The following BOC variants were observed in gnomAD, a reference collection of about 807,000 sequenced individuals.
BOC encodes BOC cell adhesion associated, oncogene regulated, also known as brother of CDO.
Under a neutral mutation model 112.0 loss-of-function variants are expected in BOC, and 76 were observed. The observed-to-expected ratio is 0.68, with a 90% confidence interval of 0.56 to 0.82. BOC has a LOEUF of 0.82. Ranked by LOEUF, BOC falls within the 40% of genes least tolerant of loss-of-function variation. BOC has a pLI of 0.00. For synonymous variants in BOC, 580 were observed against 599.8 expected, an observed-to-expected ratio of 0.97 and a Z score of 0.48; for missense variants, 1,309 against 1,511.7, an observed-to-expected ratio of 0.87 and a Z score of 2.22.
In BOC at chr3:113,274,341, T is replaced by G; in HGVS notation, c.1235-34T>G. On this transcript the variant is annotated intron_variant, in intron 8 of 19. Transcript: ENST00000682979. This position sits in a 1 kb window ranked among gnomAD's most constrained non-coding sequence, Gnocchi z 4.8. ...CAGCTCAGCAGGTAAACCAGGAGAC[T>G]AACCTTTCCTTCTGCTTCCTGTTGG... 6.7e-7 allele frequency: 1 copy of G among 1,485,820 alleles called. No individual in the cohort carries two copies. Among genetic ancestry groups the G allele is most frequent in the South Asian group, 1.4e-5 (1 of 72,388 alleles). The allele number at this position is 1,485,820 out of a possible 1,614,324, so 92.0% of individuals were successfully genotyped here. A position where few individuals can be genotyped will look rare whatever the true frequency, so the allele number is the denominator to read the frequency against.
Position 113,274,533 on chromosome 3 carries a change from G to C in BOC, c.1393G>C (p.Glu465Gln), listed in dbSNP as rs1948464669. ...GCCTGCTTCCCCGCAGTGTCCAGGA[G>C]AGAAGGGGCAGGGGGCTCCCGCCGA... Reference protein sequence around the residue: ...VGPASPQCPGEKGQGAPAEAP... With the variant: ...VGPASPQCPGQKGQGAPAEAP... Residue 465 changes from glutamate (E) to glutamine (Q), a missense_variant, in exon 9 of 20, where the codon GAG (glutamate) becomes CAG (glutamine). Glu to Gln is a conservative substitution (Grantham distance 29, BLOSUM62 2). Coordinates refer to ENST00000682979, the MANE Select transcript of BOC (RefSeq NM_001378074.1). This position sits in a 1 kb window ranked among gnomAD's most constrained non-coding sequence, Gnocchi z 4.8. 5.6e-6 allele frequency: 9 copies of C among 1,613,474 alleles called. No homozygotes were observed. Among genetic ancestry groups the C allele is most frequent in the Non-Finnish European group, 6.8e-6 (8 of 1,179,922 alleles).
intron 2 of BOC, among the ~76,000 whole-genome samples, chr3:113,238,485 C>T (rs1215769503): frequency 4.6e-5 from 7 of 152,196 alleles, no homozygotes; most frequent in African/African-American, 1.7e-4. Flanking sequence ...CAGATGCTCA[C>T]TTGCTTTTTA....
chr3:113,217,152 G>A lies in BOC; in HGVS notation c.-82+878G>A, dbSNP rs375717034. Among the ~76,000 whole-genome samples the A allele has an allele frequency of 2.4e-4, 37 of 152,260 alleles. No individual in the cohort carries two copies. The South Asian group carries it at 7.3e-3, about 30-fold the overall frequency. On this transcript the variant is annotated intron_variant, in intron 2 of 19. Transcript: ENST00000682979. Reference sequence around the variant, plus strand: ...ATGCGCCATCCAGAATCCTATTACTGGCCTGAAGGGAAACGCAGAGCACTG... The same window carrying A: ...ATGCGCCATCCAGAATCCTATTACTAGCCTGAAGGGAAACGCAGAGCACTG...
intron 3 of BOC, 38 bp from the exon 4 acceptor site, chr3:113,250,517 G>A: frequency 1.9e-6 from 3 of 1,557,684 alleles, no homozygotes; most frequent in Non-Finnish European, 2.6e-6. Context: ...TTTTCTTGGG[G>A]GCATCAGTTC....
In BOC at chr3:113,272,513, C is replaced by G. The variant is rs1287956246; in HGVS notation, c.771C>G (p.Ile257Met). 1 of 1,613,966 alleles carries G rather than the reference C, an allele frequency of 6.2e-7. No homozygotes were observed. ...SLILECVASG[I>M]PPPRVTWAKD... ...TTCTGGAGTGTGTGGCCAGTGGAAT[C>G]CCACCCCCACGGGTCACCTGGGCCA... is the stretch of plus-strand genomic sequence containing the variant. Residue 257 changes from isoleucine (I) to methionine (M), a missense_variant, in exon 7 of 20, where the codon ATC (isoleucine) becomes ATG (methionine). Coordinates refer to ENST00000682979, the MANE Select transcript of BOC (RefSeq NM_001378074.1).
intron 6 of BOC, 112 bp downstream of exon 6, chr3:113,271,056 G>T: frequency 6.6e-7 from 1 of 1,507,160 alleles, no homozygotes; most frequent in Middle Eastern, 1.7e-4. Context: ...CCAGTTCTGT[G>T]TGCACTGGCT....
At chr3:113,225,976 A>T (rs1394944280) in intron 2 of BOC, among the ~76,000 whole-genome samples, 1 of 152,196 alleles carries the variant, frequency 6.6e-6, no homozygotes, top group East Asian at 1.9e-4. Flanking sequence ...CTGCCCCACA[A>T]GTAGGTACAG....
intron 4 of BOC, among the ~76,000 whole-genome samples, chr3:113,264,142 A>C (rs1489412709): frequency 6.6e-6 from 1 of 152,196 alleles, no homozygotes. Flanking sequence ...GTGACAAGTA[A>C]ATAAGGTCAG....
intron 8 of BOC, 110 bp downstream of exon 8, chr3:113,273,451 T>C (rs1230625287): frequency 1.6e-6 from 2 of 1,227,780 alleles, no homozygotes; most frequent in Non-Finnish European, 2.2e-6. Context: ...AAGTAGCTTT[T>C]AGTTGTAAGC....
intron 2 of BOC, among the ~76,000 whole-genome samples, chr3:113,248,544 C>T (rs958129104): frequency 5.9e-5 from 9 of 152,144 alleles, no homozygotes; most frequent in African/African-American, 1.9e-4. Context: ...TTGCCTTCAA[C>T]GTTATCCGAA....
intron 2 of BOC, among the ~76,000 whole-genome samples, chr3:113,229,505 G>A (rs1942257003): frequency 6.6e-6 from 1 of 152,188 alleles, no homozygotes. Flanking sequence ...TCAGGGACCT[G>A]TTTGTCACCT....
intron 2 of BOC, among the ~76,000 whole-genome samples, chr3:113,229,743 T>G (rs1225211223): frequency 6.6e-6 from 1 of 152,230 alleles, no homozygotes; most frequent in African/African-American, 2.4e-5. Context: ...GCTTTAAAAA[T>G]TATAAGAATT....
chr3:113,265,819 T>A (rs1234113264), intron 4 of BOC, among the ~76,000 whole-genome samples: 1 of 152,262 alleles, frequency 6.6e-6, no homozygotes, highest in Non-Finnish European at 1.5e-5. Flanking sequence ...AGCATTAAAC[T>A]GGGTGTTACC....
intron 4 of BOC, among the ~76,000 whole-genome samples, chr3:113,252,684 A>G (rs1383389069): frequency 1.3e-5 from 2 of 152,176 alleles, no homozygotes; most frequent in African/African-American, 2.4e-5. Context: ...CTCAGAGGGA[A>G]GGCAGAGTGT....
intron 15 of BOC, among the ~76,000 whole-genome samples, chr3:113,281,674 G>A (rs1949215728): frequency 6.6e-6 from 1 of 152,210 alleles, no homozygotes; most frequent in Admixed American, 6.5e-5. Flanking sequence ...TTGCACATTG[G>A]TCAGATGGGG....
At chr3:113,249,262 G>A (rs1394481969) in intron 2 of BOC, among the ~76,000 whole-genome samples, 1 of 152,236 alleles carries the variant, frequency 6.6e-6, no homozygotes, top group Non-Finnish European at 1.5e-5. Flanking sequence ...ACACGGCACT[G>A]CTGTCCCACA....
intron 6 of BOC, 162 bp from the exon 7 acceptor site, chr3:113,272,248 G>A (rs1948196083): frequency 2.7e-6 from 2 of 727,596 alleles, no homozygotes; most frequent in Non-Finnish European, 4.6e-6. Context: ...AGGACACCAA[G>A]CCCCAAGGGA....
rs1246619995 is a variant in BOC at position 113,214,334 on chromosome 3, A to G, written c.-169-1853A>G. Among the ~76,000 whole-genome samples, 3 of 152,202 alleles carry G rather than the reference A, an allele frequency of 2.0e-5. No individual in the cohort carries two copies. The East Asian group carries it at 5.8e-4, about 29-fold the overall frequency. On this transcript the variant is annotated intron_variant, in intron 1 of 19. Transcript: ENST00000682979. ...CATGGTTTCCATGCCCTAAGAATGA[A>G]TAAGAGATTTTACCCATGAAATAAT...
intron 2 of BOC, among the ~76,000 whole-genome samples, chr3:113,223,176 C>T (rs1451100648): frequency 6.6e-6 from 1 of 152,220 alleles, no homozygotes; most frequent in African/African-American, 2.4e-5. Flanking sequence ...ATTACACAGG[C>T]AAATCCCAAA....
Sources: gnomAD v4.1 joint callset for allele counts (sites outside exome capture counted in the v4.1 genomes callset) on GRCh38, gnomAD v4.1.1 for gene constraint, Gnocchi (gnomAD v3.1) non-coding constraint, MANE v1.5 for transcripts, NCBI Gene and HGNC (gene_info 2026-07-23, HGNC 2026-07-21) for gene names.